Variants in NUCB2 observed in about 807,000 individuals in gnomAD.
The protein encoded by NUCB2 is nucleobindin-2.
NUCB2 carries 48 observed loss-of-function variants against 57.9 expected under a neutral mutation model. The observed-to-expected ratio is 0.83, with a 90% CI of 0.66 to 1.05. The LOEUF is 1.05. Ranked by LOEUF, NUCB2 falls within the 50% of genes least tolerant of loss-of-function variation. The pLI is 0.00. For missense variants in NUCB2, 442 were observed against 476.2 expected (o/e 0.93, Z 0.67); for synonymous variants, 139 against 152.1 (o/e 0.91, Z 0.64).
chr11:17,311,213 AG>A lies in NUCB2; in HGVS notation c.691del (p.Glu231ArgfsTer36), dbSNP rs1365588859. On this transcript the variant is annotated frameshift_variant, in exon 8 of 14. Coordinates refer to ENST00000529010, the MANE Select transcript of NUCB2 (RefSeq NM_005013.4). LOFTEE classifies it high-confidence loss of function. ...NHPGSKDQLK[E>X]VWEETDGLDP... Reference sequence around the variant, plus strand: ...CACAGGGAAGCAAAGATCAACTAAAAGAGGTATGGGAAGAGACTGATGGATT... The same window carrying A: ...CACAGGGAAGCAAAGATCAACTAAAAAGGTATGGGAAGAGACTGATGGATT... 6.2e-7 allele frequency: 1 copy of A among 1,603,696 alleles called. No homozygotes were observed. The highest frequency in any genetic ancestry group is 2.2e-5 in the East Asian group (1 of 44,724).
At chr11:17,341,763 T>G (rs1485361419) in intron 2 of NUCB2, among the ~76,000 whole-genome samples, 1 of 152,180 alleles carries the variant, frequency 6.6e-6, no homozygotes, top group Non-Finnish European at 1.5e-5. Context: ...TCAGGGATAT[T>G]GGTCTAAAAT....
At chr11:17,314,998 G>C (rs371472453) in intron 10 of NUCB2, among the ~76,000 whole-genome samples, 9 of 152,104 alleles carry the variant, frequency 5.9e-5, no homozygotes, top group Non-Finnish European at 1.3e-4. Context: ...GGCTAAAACC[G>C]TCCTCTTTCT....
intron 2 of NUCB2, among the ~76,000 whole-genome samples, chr11:17,288,784 A>G (rs1248605276): frequency 6.7e-6 from 1 of 149,412 alleles, no homozygotes; most frequent in Non-Finnish European, 1.5e-5. Context: ...CAAACCCCTG[A>G]CCTATGGTGA....
rs372698692 is a variant in NUCB2 at position 17,346,985 on chromosome 11, A to C, written n.2627-2360A>C. Among the ~76,000 whole-genome samples the C allele has an allele frequency of 6.7e-4, 102 of 152,292 alleles. 1 individual carries two copies. In the South Asian group the frequency reaches 0.021, roughly 31 times the overall value. On this transcript the variant is annotated intron_variant and non_coding_transcript_variant, in intron 2 of 2. Coordinates refer to the NUCB2 transcript ENST00000532240. ...TGAGACAGGTCTCAGTTAATTTAGA[A>C]AGTTTATTTTGCCAAGGTTGAGGAC... is the stretch of plus-strand genomic sequence containing the variant.
At chr11:17,309,262 A>G (rs930251228) in intron 5 of NUCB2, among the ~76,000 whole-genome samples, 12 of 152,140 alleles carry the variant, frequency 7.9e-5, no homozygotes, top group Admixed American at 6.6e-4. Context: ...TCAAGGATGC[A>G]GTGATCCATG....
chr11:17,282,252 A>ATG (rs59444289), intron 1 of NUCB2, among the ~76,000 whole-genome samples: 5 of 95,442 alleles, frequency 5.2e-5, no homozygotes, highest in Admixed American at 3.8e-4. Context: ...ATATATATAT[A>ATG]TATATATTTT....
chr11:17,337,127 G>A (rs916277026), downstream of NUCB2, among the ~76,000 whole-genome samples: 6 of 152,098 alleles, frequency 3.9e-5, no homozygotes, highest in African/African-American at 1.4e-4. Flanking sequence ...TTGTTGTAGA[G>A]ATGGGGTCTT....
At chr11:17,334,100 G>A (rs1951617241), downstream of NUCB2, 1 of 152,194 alleles carries the variant, frequency 6.6e-6, no homozygotes. Flanking sequence ...CAGATTTAGG[G>A]CCTTCGACTT....
At position 17,285,376 on chromosome 11, in the gene NUCB2, C is replaced by A. The variant is rs112050138; in HGVS notation, c.-1+2433C>A. ...GATCACGAGGTCAAGAGATCGAGAC[C>A]AGCCTGGACAACATGGTGAAACCCT... is the stretch of plus-strand genomic sequence containing the variant. On this transcript the variant is annotated intron_variant, in intron 2 of 13. Coordinates refer to ENST00000529010, the MANE Select transcript of NUCB2 (RefSeq NM_005013.4). Among the ~76,000 whole-genome samples the A allele has an allele frequency of 8.0e-3, 1,218 of 152,218 alleles. 4 individuals are homozygous for A. Among genetic ancestry groups the A allele is most frequent in the Non-Finnish European group, 0.014 (931 of 68,000 alleles).
chr11:17,298,200 C>T lies in NUCB2; in HGVS notation c.252+1989C>T, dbSNP rs569659870. 2.2e-4 allele frequency among the ~76,000 whole-genome samples: 34 copies of T among 151,236 alleles called. No homozygotes were observed. In the South Asian group the frequency reaches 2.3e-3, roughly 10 times the overall value. ...TTTGAGACCAGCCTGAGCAACATAG[C>T]GAGACCCTGTCACTACAAAAAATTA... On this transcript the variant is annotated intron_variant, in intron 4 of 13. Transcript: ENST00000529010.
At chr11:17,295,567 A>C (rs1945703209) in intron 3 of NUCB2, 100 bp downstream of exon 3, 1 of 879,596 alleles carries the variant, frequency 1.1e-6, no homozygotes. Flanking sequence ...TAACTAAATG[A>C]AATGAGAGGA....
intron 2 of NUCB2, among the ~76,000 whole-genome samples, chr11:17,290,410 C>T (rs1052460882): frequency 1.3e-5 from 2 of 152,106 alleles, no homozygotes; most frequent in Admixed American, 6.6e-5. Flanking sequence ...TTACAATTTT[C>T]ATATTCCATT....
At chr11:17,293,226 CCTGGGCGATAGAGCAAGACT>C (rs1398263258) in intron 2 of NUCB2, among the ~76,000 whole-genome samples, 1 of 147,442 alleles carries the variant, frequency 6.8e-6, no homozygotes, top group African/African-American at 2.5e-5. Flanking sequence ...TGCACTCTAG[CCTGGGCGATAGAGCAAGACT>C]CTGTCTCAAA....
intron 11 of NUCB2, 46 bp downstream of exon 11, chr11:17,315,521 A>G: frequency 1.8e-6 from 2 of 1,120,392 alleles, no homozygotes; most frequent in Non-Finnish European, 2.7e-6. Flanking sequence ...AACAAATTCT[A>G]CATCAGTCTA....
chr11:17,301,627 A>G, intron 4 of NUCB2, 117 bp from the exon 5 acceptor site: 1 of 622,680 alleles, frequency 1.6e-6, no homozygotes, highest in Non-Finnish European at 2.7e-6. Flanking sequence ...TATTAAATTT[A>G]TCTAAATTAG....
chr11:17,282,256 A>ATTTTT (rs756983829), intron 1 of NUCB2, among the ~76,000 whole-genome samples: 6 of 108,304 alleles, frequency 5.5e-5, no homozygotes, highest in African/African-American at 2.3e-4. Flanking sequence ...ATATATATAT[A>ATTTTT]TATTTTTTTT....
chr11:17,327,119 G>A (rs1034402659), intron 11 of NUCB2, among the ~76,000 whole-genome samples: 2 of 152,142 alleles, frequency 1.3e-5, no homozygotes, highest in Non-Finnish European at 2.9e-5. Flanking sequence ...GGAGTGCAGT[G>A]GCGTGATCTT....
chr11:17,296,111 G>C lies in NUCB2; in HGVS notation c.152G>C (p.Gly51Ala). 1.3e-6 allele frequency: 2 copies of C among 1,599,130 alleles called. No homozygotes were observed. Among genetic ancestry groups the C allele is most frequent in the Non-Finnish European group, 1.7e-6 (2 of 1,169,104 alleles). Residue 51 changes from glycine (G) to alanine (A), a missense_variant, in exon 4 of 14, where the codon GGA becomes GCA. Coordinates refer to ENST00000529010, the MANE Select transcript of NUCB2 (RefSeq NM_005013.4). ...TGGTTTCTTAATTTGAAGGATACTG[G>C]ACTTTATTATGATGAATATCTCAAG... ...ESAKIEPPDTGLYYDEYLKQV... is the reference protein window; with the variant it reads ...ESAKIEPPDTALYYDEYLKQV...
intron 2 of NUCB2, among the ~76,000 whole-genome samples, chr11:17,290,817 A>G (rs1944803109): frequency 1.3e-5 from 2 of 152,144 alleles, no homozygotes; most frequent in Admixed American, 1.3e-4. Context: ...CTAGTGTAGA[A>G]GGTGAATAGT....
Sources: gnomAD v4.1 joint callset for allele counts (sites outside exome capture counted in the v4.1 genomes callset) on GRCh38, gnomAD v4.1.1 for gene constraint, MANE v1.5 for transcripts, NCBI Gene and HGNC (gene_info 2026-07-23, HGNC 2026-07-21) for gene names.